Variants in SATB2 observed in about 807,000 individuals in gnomAD.
SATB2 encodes SATB homeobox 2.
In SATB2, 1 loss-of-function variant was observed where a neutral mutation model predicts 73.4. The observed-to-expected ratio is 0.01, with a 90% confidence interval of 0.00 to 0.06. The LOEUF (loss-of-function observed/expected upper bound fraction) is 0.06, where lower values mean the gene tolerates loss of function less well. SATB2 is among the 10% of genes least tolerant of loss of function. The pLI is 1.00. For missense variants in SATB2, 459 were observed against 945.8 expected, an observed-to-expected ratio of 0.49 and a Z score of 6.75; for synonymous variants, 397 against 367.0, an observed-to-expected ratio of 1.08 and a Z score of -0.93.
Position 199,275,898 on chromosome 2 carries a change from C to T in SATB2, c.1741-3226G>A, listed in dbSNP as rs559238489. Among the ~76,000 whole-genome samples the T allele has an allele frequency of 1.1e-4, 17 of 152,280 alleles. No individual in the cohort carries two copies. The East Asian group carries it at 3.3e-3, about 30-fold the overall frequency. Reference sequence around the variant, plus strand: ...AGCTGAGCTTTTTCTATTATACTGACACTTTTCTTTGGCTATAAGTCCCTT... The same window carrying T: ...AGCTGAGCTTTTTCTATTATACTGATACTTTTCTTTGGCTATAAGTCCCTT... On this transcript the variant is annotated intron_variant, in intron 10 of 10. Transcript: ENST00000417098.
At position 199,308,488 on chromosome 2, in the gene SATB2, A is replaced by T. The variant is rs1184026039; in HGVS notation, c.1740+272T>A. Among the ~76,000 whole-genome samples, 1 of 152,036 alleles carries T rather than the reference A, an allele frequency of 6.6e-6. No homozygotes were observed. Among genetic ancestry groups the T allele is most frequent in the Non-Finnish European group, 1.5e-5 (1 of 68,008 alleles). On this transcript the variant is annotated intron_variant, in intron 10 of 10. Coordinates refer to ENST00000417098, the MANE Select transcript of SATB2 (RefSeq NM_001172509.2). The surrounding 1 kb of genome is among the most constrained non-coding windows in gnomAD (Gnocchi z 4.6). Reference sequence around the variant, plus strand: ...GCTTTACAATCCCACAAGTAAAATGATCTCAGGAAAGCAGCTGTCTTTGGC... The same window carrying T: ...GCTTTACAATCCCACAAGTAAAATGTTCTCAGGAAAGCAGCTGTCTTTGGC...
chr2:199,408,463 A>G (rs571080168), intron 3 of SATB2, among the ~76,000 whole-genome samples: 1 of 152,304 alleles, frequency 6.6e-6, no homozygotes, highest in Admixed American at 6.5e-5. Flanking sequence ...ATTTATAGAA[A>G]GTCAAGACCA....
At chr2:199,434,255 A>G (rs1463987342) in intron 2 of SATB2, among the ~76,000 whole-genome samples, 1 of 152,182 alleles carries the variant, frequency 6.6e-6, no homozygotes, top group African/African-American at 2.4e-5. Context: ...ATACATTAAC[A>G]TCAGTTACTG....
chr2:199,439,694 A>C (rs565229495), intron 2 of SATB2, among the ~76,000 whole-genome samples: 4 of 152,260 alleles, frequency 2.6e-5, no homozygotes, highest in South Asian at 2.1e-4. Context: ...TATTCTCATT[A>C]TCTCTCTCTG....
intron 3 of SATB2, among the ~76,000 whole-genome samples, chr2:199,409,016 C>T (rs1690724680): frequency 6.6e-6 from 1 of 152,088 alleles, no homozygotes; most frequent in Admixed American, 6.6e-5. Flanking sequence ...TTTTCACAGA[C>T]ACTCCTATAC....
At chr2:199,415,555 C>CAT (rs1199960659) in intron 3 of SATB2, among the ~76,000 whole-genome samples, 2 of 152,160 alleles carry the variant, frequency 1.3e-5, no homozygotes. Context: ...ATTAAGATAA[C>CAT]ATATATGGAT....
chr2:199,376,033 C>T (rs1248611123), intron 5 of SATB2, among the ~76,000 whole-genome samples: 1 of 152,200 alleles, frequency 6.6e-6, no homozygotes, highest in Non-Finnish European at 1.5e-5. Context: ...TATCTCCACA[C>T]TAAATTACAA....
chr2:199,469,071 G>C (rs1017794352), upstream of SATB2, among the ~76,000 whole-genome samples: 2 of 152,156 alleles, frequency 1.3e-5, no homozygotes, highest in Admixed American at 1.3e-4. Context: ...GAAAGGCCGC[G>C]CGGAGGCGAG....
At chr2:199,302,684 C>T (rs1432485045) in intron 10 of SATB2, among the ~76,000 whole-genome samples, 1 of 152,104 alleles carries the variant, frequency 6.6e-6, no homozygotes, top group Non-Finnish European at 1.5e-5. Context: ...ATTCTAGTAA[C>T]CCGGTAAGAG....
intron 3 of SATB2, among the ~76,000 whole-genome samples, chr2:199,421,652 A>T (rs1297832423): frequency 6.6e-6 from 1 of 152,206 alleles, no homozygotes; most frequent in Non-Finnish European, 1.5e-5. Context: ...TATGTTTTGT[A>T]AAGAGGAAAA....
In SATB2 at chr2:199,272,303, C is replaced by T. The variant is rs747513035; in HGVS notation, c.2110G>A (p.Glu704Lys). 6.2e-7 allele frequency: 1 copy of T among 1,614,202 alleles called. No individual in the cohort carries two copies. Among genetic ancestry groups the T allele is most frequent in the Non-Finnish European group, 8.5e-7 (1 of 1,180,028 alleles). Residue 704 changes from glutamate (E) to lysine (K), a missense_variant, in exon 11 of 11, where the codon GAG (glutamate) becomes AAG (lysine). Glu to Lys is a moderately conservative substitution (Grantham distance 56). Transcript: ENST00000417098. This position sits in a 1 kb window ranked among gnomAD's most constrained non-coding sequence, Gnocchi z 6.7. Reference protein sequence around the residue: ...LLTESEENDSEEGSEEMYKVE... With the variant: ...LLTESEENDSKEGSEEMYKVE... ...TTGTACATCTCCTCGGAGCCTTCCT[C>T]GCTGTCGTTCTCCTCTGACTCGGTC...
rs139011581 is a variant in SATB2 at position 199,339,491 on chromosome 2, C to G, written c.1173+9210G>C. Among the ~76,000 whole-genome samples the G allele has an allele frequency of 2.7e-3, 410 of 152,236 alleles. 2 individuals carry two copies. The highest frequency in any genetic ancestry group is 4.6e-3 in the Non-Finnish European group (312 of 68,014). ...TATTATTTACTTCAAAACTCAATAACGGGTTCATGCTTGATCTGCGGCATT... is the reference window on the plus strand; with the variant it reads ...TATTATTTACTTCAAAACTCAATAAGGGGTTCATGCTTGATCTGCGGCATT... On this transcript the variant is annotated intron_variant, in intron 7 of 10. Coordinates refer to ENST00000417098, the MANE Select transcript of SATB2 (RefSeq NM_001172509.2).
intron 6 of SATB2, among the ~76,000 whole-genome samples, chr2:199,349,554 G>A (rs1255993894): frequency 6.6e-6 from 1 of 152,132 alleles, no homozygotes; most frequent in Non-Finnish European, 1.5e-5. Context: ...GTAGTATGTA[G>A]TTAATGGTTA....
At chr2:199,421,796 AAAGGT>A (rs776973919) in intron 3 of SATB2, among the ~76,000 whole-genome samples, 4 of 152,250 alleles carry the variant, frequency 2.6e-5, no homozygotes, top group Admixed American at 6.5e-5. Flanking sequence ...TACCACAGAC[AAAGGT>A]AAGAAAGCAA....
At chr2:199,423,912 A>G (rs1370891949) in intron 3 of SATB2, 1 of 152,184 alleles carries the variant, frequency 6.6e-6, no homozygotes, top group Non-Finnish European at 1.5e-5. Context: ...AACTGACAGA[A>G]AGAGTATCTT....
At chr2:199,275,401 T>C (rs1692282775) in intron 10 of SATB2, among the ~76,000 whole-genome samples, 1 of 152,182 alleles carries the variant, frequency 6.6e-6, no homozygotes, top group African/African-American at 2.4e-5. Context: ...CCTCACTGAA[T>C]GTTTATTCTG....
At chr2:199,299,814 T>C (rs1178249737) in intron 10 of SATB2, among the ~76,000 whole-genome samples, 1 of 152,162 alleles carries the variant, frequency 6.6e-6, no homozygotes, top group East Asian at 1.9e-4. Context: ...AATCATTTTT[T>C]TCCAAAAGCC....
chr2:199,455,853 TGCTCCGG>T lies in SATB2; in HGVS notation c.169+9_169+15del. ...CTGGGCCGCGGGCTGCGCGCCTCCC[TGCTCCGG>T]GCTGTTACCTCCCACGGCCTTGGCC... On this transcript the variant is annotated intron_variant, in intron 2 of 10. Coordinates refer to ENST00000417098, the MANE Select transcript of SATB2 (RefSeq NM_001172509.2). This position sits in a 1 kb window ranked among gnomAD's most constrained non-coding sequence, Gnocchi z 4.1. 6.5e-7 allele frequency: 1 copy of T among 1,535,306 alleles called. No individual in the cohort carries two copies.
intron 6 of SATB2, among the ~76,000 whole-genome samples, chr2:199,364,809 T>C (rs1050656030): frequency 1.3e-5 from 2 of 152,158 alleles, no homozygotes; most frequent in Non-Finnish European, 2.9e-5. Flanking sequence ...AATTATTTTC[T>C]TGTAACTTAT....
Sources: gnomAD v4.1 joint callset for allele counts (sites outside exome capture counted in the v4.1 genomes callset) on GRCh38, gnomAD v4.1.1 for gene constraint, Gnocchi (gnomAD v3.1) non-coding constraint, MANE v1.5 for transcripts, NCBI Gene and HGNC (gene_info 2026-07-23, HGNC 2026-07-21) for gene names.